The following VPS35 variants were observed in gnomAD, a reference collection of about 807,000 sequenced individuals.
VPS35 encodes the protein VPS35 retromer complex component.
A neutral mutation model predicts 98.1 loss-of-function variants in VPS35; 21 were observed. The observed-to-expected ratio is 0.21, with a 90% CI of 0.15 to 0.31. The LOEUF (loss-of-function observed/expected upper bound fraction) is 0.31. VPS35 is among the 10% of genes least tolerant of loss of function. The pLI, the probability that VPS35 is intolerant of heterozygous loss-of-function variation, is 1.00. For synonymous variants in VPS35, 268 were observed against 318.2 expected (o/e 0.84, Z 1.68); for missense variants, 554 against 950.8 (o/e 0.58, Z 5.49).
intron 13 of VPS35, among the ~76,000 whole-genome samples, chr16:46,665,590 CA>C (rs36051331): frequency 6.7e-4 from 96 of 143,350 alleles, no homozygotes; most frequent in Non-Finnish European, 6.1e-4. Flanking sequence ...GACCTTGACT[CA>C]AAAAAAAAAA....
At chr16:46,677,910 T>C (rs1966175297) in intron 6 of VPS35, among the ~76,000 whole-genome samples, 1 of 152,214 alleles carries the variant, frequency 6.6e-6, no homozygotes, top group African/African-American at 2.4e-5. Context: ...AGGTTCTATA[T>C]TTAGGTCTCT....
rs794559 is a variant in VPS35 at position 46,658,589 on chromosome 16, G to A, written c.*1883C>T. ...GCAAACCAAGCTCTCCAACTCAAGT[G>A]TTCTTGACTCATGTCTTTTCTACTA... On this transcript the variant is annotated 3_prime_UTR_variant, in exon 17 of 17. Transcript: ENST00000299138. The A allele has an allele frequency of 0.99, 151,249 of 153,508 alleles. 74,538 individuals carry two copies. The highest frequency in any genetic ancestry group is 1 in the East Asian group (5,186 of 5,186). 9.5% of individuals were successfully genotyped at this position (153,508 alleles called of 1,614,324 possible).
At chr16:46,671,997 C>T in intron 11 of VPS35, 137 bp from the exon 12 acceptor site, 1 of 1,211,660 alleles carries the variant, frequency 8.3e-7, no homozygotes, top group Non-Finnish European at 1.2e-6. Context: ...AAAGTCGATA[C>T]ACATGTATGT....
At chr16:46,675,867 C>A (rs1169635157) in intron 8 of VPS35, among the ~76,000 whole-genome samples, 1 of 151,952 alleles carries the variant, frequency 6.6e-6, no homozygotes, top group Non-Finnish European at 1.5e-5. Context: ...GAGTTTGAGA[C>A]TAGCCTAGCC....
At chr16:46,665,460 T>C (rs1185636996) in intron 13 of VPS35, among the ~76,000 whole-genome samples, 2 of 151,894 alleles carry the variant, frequency 1.3e-5, no homozygotes, top group South Asian at 4.2e-4. Context: ...GCCAGTGTGG[T>C]GGCACATGCT....
rs1191997787 is a variant in VPS35 at position 46,674,599 on chromosome 16, C to T, written c.976G>A (p.Asp326Asn). ...PGIPADIKLF[D>N]IFSQQVATVI... The stretch of plus-strand genomic sequence containing the variant: ...GTAGCCACCTGCTGTGAAAATATAT[C>T]AAAAAGTTTAATATCCGCTGGGATT... Residue 326 changes from aspartate (D) to asparagine (N), a missense_variant, in exon 9 of 17, where the codon GAT becomes AAT. Physicochemically the swap from Asp to Asn is conservative, Grantham distance 23. This residue lies in a region of VPS35 where 254 missense variants were observed against 390.1 expected (regional missense o/e 0.65). Transcript: ENST00000299138. 1 of 1,611,196 alleles carries T rather than the reference C, an allele frequency of 6.2e-7. No individual in the cohort carries two copies. Among genetic ancestry groups the T allele is most frequent in the Non-Finnish European group, 8.5e-7 (1 of 1,179,082 alleles).
intron 6 of VPS35, among the ~76,000 whole-genome samples, chr16:46,678,404 G>C (rs1966183640): frequency 6.6e-6 from 1 of 151,758 alleles, no homozygotes; most frequent in African/African-American, 2.4e-5. Context: ...CTGGGCTGCA[G>C]GTTGGACAAG....
At chr16:46,681,007 CACT>C (rs1966225732) in intron 4 of VPS35, among the ~76,000 whole-genome samples, 154 bp from the exon 5 acceptor site, 1 of 149,872 alleles carries the variant, frequency 6.7e-6, no homozygotes, top group South Asian at 2.1e-4. Flanking sequence ...AAAATATAAC[CACT>C]GACTGACCTC....
chr16:46,660,667 T>C lies in VPS35; in HGVS notation c.2212-16A>G. The stretch of plus-strand genomic sequence containing the variant: ...GAATTGTTACCTACAAAAGAATATG[T>C]ACAAATTCATGATCAAGCACGTACC... On this transcript the variant is annotated splice_polypyrimidine_tract_variant and intron_variant, in intron 16 of 16. Coordinates refer to ENST00000299138, the MANE Select transcript of VPS35 (RefSeq NM_018206.6). 6.2e-7 allele frequency: 1 copy of C among 1,610,688 alleles called. No individual in the cohort carries two copies. The highest frequency in any genetic ancestry group is 8.5e-7 in the Non-Finnish European group (1 of 1,178,438).
chr16:46,686,376 C>T (rs1436072570), intron 1 of VPS35, among the ~76,000 whole-genome samples: 2 of 152,094 alleles, frequency 1.3e-5, no homozygotes, highest in East Asian at 3.8e-4. Context: ...AAAGAGGATA[C>T]AATCAGTTCC....
At chr16:46,676,805 T>A in intron 7 of VPS35, 113 bp from the exon 8 acceptor site, 1 of 762,504 alleles carries the variant, frequency 1.3e-6, no homozygotes, top group Non-Finnish European at 2.3e-6. Context: ...TACAACTAAA[T>A]TCAAACACAT....
rs1966372099 is a variant in VPS35 at position 46,688,924 on chromosome 16, G to A, written c.3+207C>T. On this transcript the variant is annotated intron_variant, in intron 1 of 16. Transcript: ENST00000299138. ...GCCCCGTCTCTCAGCAACGGCCGCA[G>A]CCAAGAGCCGCCGCCCACCCCGGCC... 2.7e-6 allele frequency: 4 copies of A among 1,467,718 alleles called. No homozygotes were observed. The East Asian group carries it at 7.5e-5, about 27-fold the overall frequency. 90.9% of individuals were successfully genotyped at this position (1,467,718 alleles called of 1,614,324 possible). A position where few individuals can be genotyped will look rare whatever the true frequency, so the allele number is the denominator to read the frequency against.
intron 5 of VPS35, among the ~76,000 whole-genome samples, chr16:46,680,071 A>G (rs1414099794): frequency 1.3e-5 from 2 of 152,204 alleles, no homozygotes; most frequent in Non-Finnish European, 2.9e-5. Context: ...TGTCATGTGA[A>G]CAGCTCACCC....
intron 5 of VPS35, 126 bp downstream of exon 5, chr16:46,680,545 T>C: frequency 3.0e-6 from 3 of 996,218 alleles, no homozygotes; most frequent in Non-Finnish European, 4.6e-6. Context: ...TATATACAAA[T>C]GCTACCTAAA....
chr16:46,662,757 G>A (rs1965932076), intron 14 of VPS35, among the ~76,000 whole-genome samples: 1 of 152,180 alleles, frequency 6.6e-6, no homozygotes. Flanking sequence ...TATGTTCCAT[G>A]AAACATTTTT....
intron 1 of VPS35, among the ~76,000 whole-genome samples, chr16:46,684,737 T>C (rs1390076661): frequency 6.6e-6 from 1 of 152,176 alleles, no homozygotes; most frequent in Non-Finnish European, 1.5e-5. Context: ...TCCACAAATG[T>C]TCACTGCATA....
rs1453829968 is a variant in VPS35 at position 46,660,189 on chromosome 16, GTGTTTTTTTT to G, written c.*273_*282del. 6 of 98,310 alleles carry G rather than the reference GTGTTTTTTTT, an allele frequency of 6.1e-5. No individual in the cohort carries two copies. Among genetic ancestry groups the G allele is most frequent in the Admixed American group, 1.4e-4 (1 of 7,184 alleles). 6.1% of individuals were successfully genotyped at this position (98,310 alleles called of 1,614,324 possible). ...GCCAAGATAAGTGCTTGTGGGTTTT[GTGTTTTTTTT>G]TTTTTTTTTTTTTACAGATCACAGG... On this transcript the variant is annotated 3_prime_UTR_variant, in exon 17 of 17. Coordinates refer to ENST00000299138, the MANE Select transcript of VPS35 (RefSeq NM_018206.6).
In VPS35 at chr16:46,667,260, T is replaced by G. The variant is rs147366639; in HGVS notation, c.1647+1670A>C. 7.2e-5 allele frequency among the ~76,000 whole-genome samples: 11 copies of G among 152,348 alleles called. No homozygotes were observed. In the East Asian group the frequency reaches 1.9e-3, roughly 27 times the overall value. On this transcript the variant is annotated intron_variant, in intron 13 of 16. Coordinates refer to ENST00000299138, the MANE Select transcript of VPS35 (RefSeq NM_018206.6). Reference sequence around the variant, plus strand: ...ATACCAGTTGGCCACCTGTATGTCTTCTTTGGAAAAATGTCTATTCAGATC... The same window carrying G: ...ATACCAGTTGGCCACCTGTATGTCTGCTTTGGAAAAATGTCTATTCAGATC...
rs1966378581 is a variant in VPS35, at chr16:46,689,128, C to A, written c.3+3G>T. The A allele has an allele frequency of 6.2e-7, 1 of 1,609,176 alleles. No individual in the cohort carries two copies. Among genetic ancestry groups the A allele is most frequent in the Non-Finnish European group, 8.5e-7 (1 of 1,178,580 alleles). On this transcript the variant is annotated splice_donor_region_variant and intron_variant, in intron 1 of 16. Transcript: ENST00000299138. ...CAGGTGCCACTGCCCCCTCAGCACT[C>A]ACCATGGCGACTCCCCAGAGCCTGC... is the stretch of plus-strand genomic sequence containing the variant.
Sources: allele counts gnomAD v4.1 joint callset (sites outside exome capture counted in the v4.1 genomes callset), GRCh38; gene constraint gnomAD v4.1.1; regional missense constraint gnomAD v4.1.1; transcripts MANE v1.5; gene names NCBI Gene and HGNC (gene_info 2026-07-23, HGNC 2026-07-21).